The following C1orf167 variants were observed in gnomAD, a reference collection of about 807,000 sequenced individuals.
C1orf167 encodes the protein uncharacterized protein C1orf167.
A neutral mutation model predicts 176.5 loss-of-function variants in C1orf167; 153 were observed. The observed-to-expected ratio is 0.87, with a 90% CI of 0.76 to 0.99. The LOEUF (loss-of-function observed/expected upper bound fraction) is 0.99. C1orf167 is among the 50% of genes least tolerant of loss of function. The pLI is 0.00. For synonymous variants in C1orf167, 594 were observed against 752.7 expected, an observed-to-expected ratio of 0.79 and a Z score of 3.45; for missense variants, 1,490 against 1,817.7, an observed-to-expected ratio of 0.82 and a Z score of 3.28.
At chr1:11,763,084 T>A (rs1642595274) in intron 1 of C1orf167, among the ~76,000 whole-genome samples, 1 of 152,010 alleles carries the variant, frequency 6.6e-6, no homozygotes. Flanking sequence ...CTGGTGTGTG[T>A]GGAGGACAGT....
Position 11,782,259 on chromosome 1 carries a change from G to A in C1orf167, c.2931G>A (p.Val977=), listed in dbSNP as rs577360732. ...QVHLQGLQKV[V]FRSWQQAAAH... ...ACCTCCAGGGCCTGCAGAAGGTGGT[G>A]TTCCGGAGCTGGCAGCAGGCAGCAG... The change falls in exon 14 of 21, where the codon GTG becomes GTA. Residue 977 remains valine (V), a synonymous_variant. Coordinates refer to ENST00000688073, the MANE Select transcript of C1orf167 (RefSeq NM_001010881.2). 525 of 1,301,794 alleles carry A rather than the reference G, an allele frequency of 4.0e-4. 1 individual carries two copies. Among genetic ancestry groups the A allele is most frequent in the Middle Eastern group, 2.2e-3 (10 of 4,626 alleles). The allele number at this position is 1,301,794 out of a possible 1,614,324, so 80.6% of individuals were successfully genotyped here. A position where few individuals can be genotyped will look rare whatever the true frequency, so the allele number is the denominator to read the frequency against.
chr1:11,785,660 T>C (rs1347454594), intron 16 of C1orf167: 3 of 164,812 alleles, frequency 1.8e-5, no homozygotes. Context: ...TAGGGAGACA[T>C]TGAAATGCAT....
At position 11,766,308 on chromosome 1, in the gene C1orf167, A is replaced by C. The variant is rs2100241788; in HGVS notation, c.522A>C (p.Pro174=). 7.8e-7 allele frequency: 1 copy of C among 1,288,824 alleles called. No individual in the cohort carries two copies. Among genetic ancestry groups the C allele is most frequent in the East Asian group, 5.6e-5 (1 of 18,000 alleles). 79.8% of individuals were successfully genotyped at this position (1,288,824 alleles called of 1,614,324 possible). A position where few individuals can be genotyped will look rare whatever the true frequency, so the allele number is the denominator to read the frequency against. The change falls in exon 3 of 21, where the codon CCA becomes CCC. Residue 174 remains proline (P), a synonymous_variant. Transcript: ENST00000688073. The surrounding 1 kb of genome is among the most constrained non-coding windows in gnomAD (Gnocchi z 4.5). ...SCLRQSGLPA[P]GTPSGDFRPT... is the part of the protein sequence containing the mutation. ...TGAGGCAGTCCGGGCTGCCGGCCCC[A>C]GGCACCCCTAGCGGGGACTTCAGGC...
rs1193112418 is a variant in C1orf167 at position 11,788,420 on chromosome 1, T to G, written c.4078+42T>G. ...CTCTCCACACTGACCATCTCCCATT[T>G]CACCTCATACTTAACCCAAACCCCT... On this transcript the variant is annotated intron_variant, in intron 19 of 20. Transcript: ENST00000688073. The G allele has an allele frequency of 2.4e-6, 3 of 1,265,758 alleles. No individual in the cohort carries two copies. In the Admixed American group the frequency reaches 7.1e-5, roughly 30 times the overall value. 78.4% of individuals were successfully genotyped at this position (1,265,758 alleles called of 1,614,324 possible).
chr1:11,788,087 AT>A (rs916791836), intron 18 of C1orf167, 40 bp downstream of exon 18: 1 of 1,280,242 alleles, frequency 7.8e-7, no homozygotes, highest in African/African-American at 1.5e-5. Context: ...GGTCCGAGGG[AT>A]GGGGGCAAGG....
rs572743033 is a variant in C1orf167, at chr1:11,763,723, T to C, written c.-70-608T>C. On this transcript the variant is annotated intron_variant, in intron 1 of 20. Coordinates refer to ENST00000688073, the MANE Select transcript of C1orf167 (RefSeq NM_001010881.2). ...TTTACAGGATCACCCTGCCGCCGCA[T>C]GAAGAGGAGGCTGTCGGGCGTGAGG... Among the ~76,000 whole-genome samples, 6 of 152,144 alleles carry C rather than the reference T, an allele frequency of 3.9e-5. No individual in the cohort carries two copies. The East Asian group carries it at 7.7e-4, about 20-fold the overall frequency.
At chr1:11,785,914 G>C (rs886853985) in intron 16 of C1orf167, 2 of 151,926 alleles carry the variant, frequency 1.3e-5, no homozygotes, top group East Asian at 3.9e-4. Context: ...TGTATTTTTA[G>C]TAGAGACGGG....
At position 11,768,226 on chromosome 1, in the gene C1orf167, C is replaced by T. The variant is rs1642893926; in HGVS notation, c.1493C>T (p.Ala498Val). 2 of 1,289,884 alleles carry T rather than the reference C, an allele frequency of 1.6e-6. No homozygotes were observed. Among genetic ancestry groups the T allele is most frequent in the Non-Finnish European group, 2.0e-6 (2 of 988,856 alleles). 79.9% of individuals were successfully genotyped at this position (1,289,884 alleles called of 1,614,324 possible). The change falls in exon 5 of 21, where the codon GCA (alanine) becomes GTA (valine). Residue 498 changes from alanine (A) to valine (V), a missense_variant. Coordinates refer to ENST00000688073, the MANE Select transcript of C1orf167 (RefSeq NM_001010881.2). The surrounding 1 kb of genome is among the most constrained non-coding windows in gnomAD (Gnocchi z 4.5). ...TGGCTCCGGGAGGCTCAGCTGGAGG[C>T]AGCATGGGGGCAGTACACAAAGGTT... ...ALWLREAQLE[A>V]AWGQYTKVLL...
intron 20 of C1orf167, chr1:11,789,047 C>T (rs562389867): frequency 2.2e-4 from 91 of 415,424 alleles, no homozygotes; most frequent in African/African-American, 1.8e-3. Context: ...GTCCTGAGCG[C>T]CCCCTCCCTC....
At chr1:11,763,042 C>T (rs12083350) in intron 1 of C1orf167, among the ~76,000 whole-genome samples, 130 of 152,114 alleles carry the variant, frequency 8.5e-4, no homozygotes, top group African/African-American at 3.0e-3. Flanking sequence ...GAGGTGAGGT[C>T]GTGTGTGCCA....
Position 11,766,271 on chromosome 1 carries a change from C to T in C1orf167, c.485C>T (p.Pro162Leu). Reference sequence around the variant, plus strand: ...CTATCCCAAGAGCCACTGGCTCGCCCATCTTCCTGCCTGAGGCAGTCCGGG... The same window carrying T: ...CTATCCCAAGAGCCACTGGCTCGCCTATCTTCCTGCCTGAGGCAGTCCGGG... ...PLLSQEPLAR[P>L]SSCLRQSGLP... Residue 162 changes from proline (P) to leucine (L), a missense_variant, in exon 3 of 21, where the codon CCA (proline) becomes CTA (leucine). By Grantham distance (98) the Pro-to-Leu change is moderately conservative. Coordinates refer to ENST00000688073, the MANE Select transcript of C1orf167 (RefSeq NM_001010881.2). This position sits in a 1 kb window ranked among gnomAD's most constrained non-coding sequence, Gnocchi z 4.5. 3.1e-6 allele frequency: 4 copies of T among 1,289,810 alleles called. No individual in the cohort carries two copies. Among genetic ancestry groups the T allele is most frequent in the Non-Finnish European group, 4.0e-6 (4 of 988,856 alleles). 79.9% of individuals were successfully genotyped at this position (1,289,810 alleles called of 1,614,324 possible).
chr1:11,762,613 G>A (rs1405412541), intron 1 of C1orf167, among the ~76,000 whole-genome samples: 3 of 152,198 alleles, frequency 2.0e-5, no homozygotes, highest in Non-Finnish European at 4.4e-5. Context: ...GGCCTTGGGT[G>A]GGACAGGCCC....
chr1:11,778,841 G>T, intron 11 of C1orf167, 25 bp downstream of exon 11: 1 of 1,294,838 alleles, frequency 7.7e-7, no homozygotes, highest in African/African-American at 1.5e-5. Flanking sequence ...GGTGGGGAGG[G>T]GCTGGGGCAG....
chr1:11,787,612 T>C (rs999246324), intron 17 of C1orf167, 119 bp downstream of exon 17: 2 of 814,940 alleles, frequency 2.5e-6, no homozygotes, highest in Admixed American at 4.0e-5. Context: ...GTATTGACCA[T>C]TCTCCCCATC....
intron 13 of C1orf167, among the ~76,000 whole-genome samples, chr1:11,781,539 T>TAAA (rs1643603435): frequency 6.6e-6 from 1 of 152,168 alleles, no homozygotes; most frequent in African/African-American, 2.4e-5. Flanking sequence ...GACAGCTGCT[T>TAAA]ATGCAGCCCA....
chr1:11,787,679 C>A, intron 17 of C1orf167, 186 bp downstream of exon 17: 2 of 932,336 alleles, frequency 2.1e-6, no homozygotes, highest in Non-Finnish European at 2.8e-6. Context: ...ATTCCTGCCC[C>A]GCCCCTGTGA....
Position 11,773,091 on chromosome 1 carries a change from G to A in C1orf167, c.1988+832G>A, listed in dbSNP as rs953308636. Among the ~76,000 whole-genome samples, 24 of 151,546 alleles carry A rather than the reference G, an allele frequency of 1.6e-4. No individual in the cohort carries two copies. The South Asian group carries it at 1.7e-3, about 11-fold the overall frequency. On this transcript the variant is annotated intron_variant, in intron 8 of 20. Coordinates refer to ENST00000688073, the MANE Select transcript of C1orf167 (RefSeq NM_001010881.2). ...TTTTTTTGTATTTTTAGCAGAGTCAGGGTTTCACCATATTGGTCAGGCTGG... is the reference window on the plus strand; with the variant it reads ...TTTTTTTGTATTTTTAGCAGAGTCAAGGTTTCACCATATTGGTCAGGCTGG...
At position 11,762,268 on chromosome 1, in the gene C1orf167, C is replaced by A. The variant is rs1411609354; in HGVS notation, c.-108C>A. The A allele has an allele frequency of 4.7e-6, 2 of 422,276 alleles. No homozygotes were observed. The highest frequency in any genetic ancestry group is 2.0e-5 in the African/African-American group (1 of 49,360). 26.2% of individuals were successfully genotyped at this position (422,276 alleles called of 1,614,324 possible). A position where few individuals can be genotyped will look rare whatever the true frequency, so the allele number is the denominator to read the frequency against. On this transcript the variant is annotated 5_prime_UTR_variant, in exon 1 of 21. Coordinates refer to ENST00000688073, the MANE Select transcript of C1orf167 (RefSeq NM_001010881.2). ...CCCAGCCCCCGTCTAGATTCAAATC[C>A]GACTGGGTGAAGGAGGACCCGAGGA... is the stretch of plus-strand genomic sequence containing the variant.
rs116390980 is a variant in C1orf167 at position 11,771,599 on chromosome 1, C to T, written c.1773C>T (p.His591=). 1.5e-3 allele frequency: 1,918 copies of T among 1,289,756 alleles called. 3 individuals are homozygous for T. The highest frequency in any genetic ancestry group is 1.9e-3 in the Non-Finnish European group (1,845 of 988,848). 79.9% of individuals were successfully genotyped at this position (1,289,756 alleles called of 1,614,324 possible). A position where few individuals can be genotyped will look rare whatever the true frequency, so the allele number is the denominator to read the frequency against. ...CTAGGCAGAGAACAGACAGCAGACA[C>T]GAGAGAGTCCAGATCCTGCAGGCCC... The part of the protein sequence containing the change: ...SHPRQRTDSR[H]ERVQILQALQ... Residue 591 remains histidine (H), a synonymous_variant, in exon 7 of 21, where the codon CAC becomes CAT. Coordinates refer to ENST00000688073, the MANE Select transcript of C1orf167 (RefSeq NM_001010881.2).
Sources: gnomAD v4.1 joint callset for allele counts (sites outside exome capture counted in the v4.1 genomes callset) on GRCh38, gnomAD v4.1.1 for gene constraint, Gnocchi (gnomAD v3.1) non-coding constraint, MANE v1.5 for transcripts, NCBI Gene and HGNC (gene_info 2026-07-23, HGNC 2026-07-21) for gene names.